CNBD1: variants seen among roughly 807,000 people sequenced by gnomAD.
CNBD1 encodes cyclic nucleotide-binding domain-containing protein 1.
In CNBD1, 71 loss-of-function variants were observed where a neutral mutation model predicts 54.4. The observed-to-expected ratio is 1.30, with a 90% CI of 1.08 to 1.59. The LOEUF is 1.59. Ranked by LOEUF, CNBD1 falls within the 40% of genes most tolerant of loss-of-function variation. CNBD1 has a pLI of 0.00. For missense variants in CNBD1, 659 were observed against 518.0 expected (o/e 1.27, Z -2.64); for synonymous variants, 182 against 170.7 (o/e 1.07, Z -0.51).
intron 4 of CNBD1, among the ~76,000 whole-genome samples, chr8:87,033,292 T>C (rs925954531): frequency 2.0e-5 from 3 of 152,178 alleles, no homozygotes; most frequent in Non-Finnish European, 4.4e-5. Flanking sequence ...GACATTGTGT[T>C]TGGGGGCAAG....
intron 4 of CNBD1, among the ~76,000 whole-genome samples, chr8:87,012,930 C>G (rs1280109754): frequency 6.6e-6 from 1 of 152,248 alleles, no homozygotes; most frequent in East Asian, 1.9e-4. Flanking sequence ...GGCACATGTT[C>G]TCAGGACCTC....
chr8:87,143,716 C>G (rs532286680), intron 4 of CNBD1, among the ~76,000 whole-genome samples: 1 of 152,126 alleles, frequency 6.6e-6, no homozygotes, highest in Non-Finnish European at 1.5e-5. Flanking sequence ...TGTGTTGAAT[C>G]AGGACTGTGA....
At chr8:87,081,545 C>T (rs1411682068) in intron 4 of CNBD1, among the ~76,000 whole-genome samples, 1 of 150,408 alleles carries the variant, frequency 6.6e-6, no homozygotes, top group Non-Finnish European at 1.5e-5. Flanking sequence ...CTTGCTCTGC[C>T]TCCAGGCTGG....
chr8:86,960,318 G>A (rs771569980), intron 4 of CNBD1, among the ~76,000 whole-genome samples: 3 of 152,108 alleles, frequency 2.0e-5, no homozygotes, highest in African/African-American at 7.2e-5. Context: ...CTTAGCAAAC[G>A]GCACACCAGG....
intron 6 of CNBD1, among the ~76,000 whole-genome samples, chr8:87,281,563 TA>T (rs1808600799): frequency 1.7e-4 from 2 of 12,040 alleles, no homozygotes; most frequent in African/African-American, 6.4e-4. Context: ...TATATATATA[TA>T]TATATATATA....
chr8:87,280,889 G>A (rs1302021286), intron 6 of CNBD1, among the ~76,000 whole-genome samples: 1 of 151,390 alleles, frequency 6.6e-6, no homozygotes, highest in Non-Finnish European at 1.5e-5. Context: ...GAATTTACAA[G>A]TATGAGAAAC....
chr8:87,382,734 T>C lies in CNBD1; in HGVS notation c.*107T>C. The C allele has an allele frequency of 1.3e-6, 1 of 777,566 alleles. No homozygotes were observed. The highest frequency in any genetic ancestry group is 2.1e-5 in the South Asian group (1 of 48,590). The allele number at this position is 777,566 out of a possible 1,614,324, so 48.2% of individuals were successfully genotyped here. On this transcript the variant is annotated 3_prime_UTR_variant, in exon 11 of 11. Coordinates refer to ENST00000518476, the MANE Select transcript of CNBD1 (RefSeq NM_173538.3). ...ACTACCAGCAATGAATTTGGTCTATTGTGACTACATATCCTGGATTCCCCA... is the reference window on the plus strand; with the variant it reads ...ACTACCAGCAATGAATTTGGTCTATCGTGACTACATATCCTGGATTCCCCA...
chr8:86,905,018 A>C, intron 2 of CNBD1, 63 bp from the exon 3 acceptor site: 5 of 945,904 alleles, frequency 5.3e-6, no homozygotes, highest in Non-Finnish European at 8.2e-6. Flanking sequence ...TGAGTTAAAA[A>C]TCTTTCTCTT....
At position 87,341,575 on chromosome 8, in the gene CNBD1, A is replaced by G. The variant is rs1358276803; in HGVS notation, c.1043-10110A>G. 3.3e-5 allele frequency among the ~76,000 whole-genome samples: 5 copies of G among 152,338 alleles called. No individual in the cohort carries two copies. The East Asian group carries it at 7.8e-4, about 24-fold the overall frequency. On this transcript the variant is annotated intron_variant, in intron 8 of 10. Coordinates refer to ENST00000518476, the MANE Select transcript of CNBD1 (RefSeq NM_173538.3). ...ATGTTATTGCTGTTGTAATAGTATTAAGAGGTGGAATGTTTAAGAAGTAAT... is the reference window on the plus strand; with the variant it reads ...ATGTTATTGCTGTTGTAATAGTATTGAGAGGTGGAATGTTTAAGAAGTAAT...
chr8:86,966,159 G>A (rs542002808), intron 4 of CNBD1, among the ~76,000 whole-genome samples: 61 of 152,286 alleles, frequency 4.0e-4, no homozygotes, highest in African/African-American at 1.3e-3. Context: ...CTGGCCCCCA[G>A]CCTTCGGGAC....
At chr8:87,396,616 G>T (rs1313279558) in intron 2 of CNBD1, among the ~76,000 whole-genome samples, 1 of 151,284 alleles carries the variant, frequency 6.6e-6, no homozygotes, top group East Asian at 1.9e-4. Context: ...ATATTTATTT[G>T]ATATTTTCAT....
chr8:87,098,991 C>A (rs540296115), intron 4 of CNBD1, among the ~76,000 whole-genome samples: 1 of 120,476 alleles, frequency 8.3e-6, no homozygotes, highest in Non-Finnish European at 1.6e-5. Context: ...GAGCTAAGAT[C>A]ATGCCATTGC....
chr8:87,324,355 T>C (rs1809619163), intron 8 of CNBD1, among the ~76,000 whole-genome samples: 1 of 126,430 alleles, frequency 7.9e-6, no homozygotes, highest in Admixed American at 7.7e-5. Flanking sequence ...TTTCTATTGA[T>C]TGGAATAATT....
At chr8:86,986,913 C>T (rs1294906978) in intron 4 of CNBD1, among the ~76,000 whole-genome samples, 1 of 152,084 alleles carries the variant, frequency 6.6e-6, no homozygotes, top group Non-Finnish European at 1.5e-5. Context: ...TTGCTTTAGC[C>T]TTATAGTATA....
intron 2 of CNBD1, among the ~76,000 whole-genome samples, chr8:87,425,082 T>C (rs913105386): frequency 1.3e-5 from 2 of 152,112 alleles, no homozygotes; most frequent in African/African-American, 2.4e-5. Flanking sequence ...CATCTTCCAT[T>C]GCTGATACCC....
In CNBD1 at chr8:86,938,293, A is replaced by G. The variant is rs115639298; in HGVS notation, c.273-1303A>G. Among the ~76,000 whole-genome samples, 464 of 152,326 alleles carry G rather than the reference A, an allele frequency of 3.0e-3. 6 individuals are homozygous for G. Among genetic ancestry groups the G allele is most frequent in the African/African-American group, 0.01 (435 of 41,570 alleles). ...CCATTTGACAAGTCTCTAGGAAGTTACAAAATTTCCCACATCCTCTTGTCT... is the reference window on the plus strand; with the variant it reads ...CCATTTGACAAGTCTCTAGGAAGTTGCAAAATTTCCCACATCCTCTTGTCT... On this transcript the variant is annotated intron_variant, in intron 3 of 10. Transcript: ENST00000518476.
At chr8:86,905,396 G>T (rs746883726) in intron 3 of CNBD1, among the ~76,000 whole-genome samples, 1 of 152,158 alleles carries the variant, frequency 6.6e-6, no homozygotes, top group Non-Finnish European at 1.5e-5. Context: ...CGTGTCCACT[G>T]CTAAAGATCA....
At chr8:87,208,386 TTATTA>T (rs1814023027) in intron 5 of CNBD1, among the ~76,000 whole-genome samples, 1 of 149,948 alleles carries the variant, frequency 6.7e-6, no homozygotes, top group Non-Finnish European at 1.5e-5. Flanking sequence ...GATTACTATA[TTATTA>T]TATTATTTAC....
At chr8:87,395,265 T>C (rs564610928) in intron 2 of CNBD1, among the ~76,000 whole-genome samples, 1 of 152,038 alleles carries the variant, frequency 6.6e-6, no homozygotes, top group African/African-American at 2.4e-5. Context: ...TGAGGATACA[T>C]AGCTTCCTGT....
Sources: allele counts gnomAD v4.1 joint callset (sites outside exome capture counted in the v4.1 genomes callset), GRCh38; gene constraint gnomAD v4.1.1; transcripts MANE v1.5; gene names NCBI Gene and HGNC (gene_info 2026-07-23, HGNC 2026-07-21).